Variants in TOR1A observed in about 807,000 individuals in gnomAD.
TOR1A encodes torsin-1A.
A neutral mutation model predicts 31.4 loss-of-function variants in TOR1A; 18 were observed. That is an observed-to-expected ratio of 0.57 (90% CI 0.40 to 0.85). TOR1A has a LOEUF of 0.85. Ranked by LOEUF, TOR1A falls within the 40% of genes least tolerant of loss-of-function variation. The pLI, the probability that TOR1A is intolerant of heterozygous loss-of-function variation, is 0.00. For missense variants in TOR1A, 375 were observed against 416.4 expected, an observed-to-expected ratio of 0.90 and a Z score of 0.87; for synonymous variants, 168 against 165.9, an observed-to-expected ratio of 1.01 and a Z score of -0.10.
Position 129,821,432 on chromosome 9 carries a change from TGACA to T in TOR1A, c.444+1145_444+1148del, listed in dbSNP as rs145415366. 58 of 152,378 alleles carry T rather than the reference TGACA, an allele frequency of 3.8e-4. No individual in the cohort carries two copies. The East Asian group carries it at 5.8e-3, about 15-fold the overall frequency. The allele number at this position is 152,378 out of a possible 1,614,324, so 9.4% of individuals were successfully genotyped here. On this transcript the variant is annotated intron_variant, in intron 2 of 4. Transcript: ENST00000351698. ...ATGCACCAGGTACATGTTATGCACT[TGACA>T]GACAGAGCTCCCTGGATTGTTACAA...
intron 2 of TOR1A, 145 bp from the exon 3 acceptor site, chr9:129,819,065 TC>T: frequency 1.1e-6 from 1 of 913,648 alleles, no homozygotes; most frequent in South Asian, 1.4e-5. Flanking sequence ...TCTTCTTTGT[TC>T]CTACCAACCC....
Position 129,818,688 on chromosome 9 carries a change from T to A in TOR1A, c.621-41A>T, listed in dbSNP as rs149514221. ...AGTGGGTAAGGACAGGGTTTTCTCC[T>A]GGAGCTCAGAGGCTTGGGCTCGGGG... On this transcript the variant is annotated intron_variant, in intron 3 of 4. Coordinates refer to ENST00000351698, the MANE Select transcript of TOR1A (RefSeq NM_000113.3). The A allele has an allele frequency of 7.0e-4, 1,134 of 1,614,158 alleles. No homozygotes were observed. Among genetic ancestry groups the A allele is most frequent in the Non-Finnish European group, 9.0e-4 (1,058 of 1,180,044 alleles).
intron 2 of TOR1A, among the ~76,000 whole-genome samples, chr9:129,820,144 G>GGC (rs2031149937): frequency 7.6e-6 from 1 of 132,320 alleles, no homozygotes; most frequent in Admixed American, 7.5e-5. Flanking sequence ...TTTTTTTTTT[G>GGC]ACAGTCTCGC....
Position 129,812,949 on chromosome 9 carries a change from T to C in TOR1A, c.*1023A>G, listed in dbSNP as rs2030925407. Reference sequence around the variant, plus strand: ...CAAAAACGTACTCACCAATGGCACATGCAAAATTTTATTGTAAAACGGTAG... The same window carrying C: ...CAAAAACGTACTCACCAATGGCACACGCAAAATTTTATTGTAAAACGGTAG... On this transcript the variant is annotated 3_prime_UTR_variant, in exon 5 of 5. Coordinates refer to ENST00000351698, the MANE Select transcript of TOR1A (RefSeq NM_000113.3). 1 of 152,210 alleles carries C rather than the reference T, an allele frequency of 6.6e-6. No individual in the cohort carries two copies. The highest frequency in any genetic ancestry group is 2.4e-5 in the African/African-American group (1 of 41,460). 9.4% of individuals were successfully genotyped at this position (152,210 alleles called of 1,614,324 possible).
rs151084518 is a variant in TOR1A, at chr9:129,813,779, C to T, written c.*193G>A. ...GCGTGTTCGGGAGGCTTCACGTCCTCGCCCGTGGTCCCTGGGTGGCCTGCA... is the reference window on the plus strand; with the variant it reads ...GCGTGTTCGGGAGGCTTCACGTCCTTGCCCGTGGTCCCTGGGTGGCCTGCA... On this transcript the variant is annotated 3_prime_UTR_variant, in exon 5 of 5. Transcript: ENST00000351698. 6,123 of 777,894 alleles carry T rather than the reference C, an allele frequency of 7.9e-3. 38 individuals are homozygous for T. The highest frequency in any genetic ancestry group is 0.011 in the Non-Finnish European group (5,332 of 474,116). 48.2% of individuals were successfully genotyped at this position (777,894 alleles called of 1,614,324 possible). A position where few individuals can be genotyped will look rare whatever the true frequency, so the allele number is the denominator to read the frequency against.
In TOR1A at chr9:129,824,097, C is replaced by A; in HGVS notation, c.-12G>T. 6.4e-7 allele frequency: 1 copy of A among 1,561,110 alleles called. No homozygotes were observed. Among genetic ancestry groups the A allele is most frequent in the Non-Finnish European group, 8.6e-7 (1 of 1,158,332 alleles). The stretch of plus-strand genomic sequence containing the variant: ...CGGCCCAGCTTCATGCCCGGACCCG[C>A]GCCACCCTGCTTGTTCTCGCGCCGA... On this transcript the variant is annotated 5_prime_UTR_variant, in exon 1 of 5. Transcript: ENST00000351698.
intron 2 of TOR1A, among the ~76,000 whole-genome samples, chr9:129,820,291 T>A (rs1269974040): frequency 6.6e-6 from 1 of 151,772 alleles, no homozygotes; most frequent in South Asian, 2.1e-4. Context: ...CCAGCTAATT[T>A]TTGTATTTTT....
chr9:129,822,972 T>A, intron 1 of TOR1A, 126 bp from the exon 2 acceptor site: 2 of 1,348,640 alleles, frequency 1.5e-6, no homozygotes, highest in Non-Finnish European at 2.1e-6. Flanking sequence ...AAACCTCAAG[T>A]ACTGCGGTCT....
At chr9:129,822,926 A>G in intron 1 of TOR1A, 80 bp from the exon 2 acceptor site, 9 of 1,605,258 alleles carry the variant, frequency 5.6e-6, no homozygotes, top group Non-Finnish European at 7.7e-6. Flanking sequence ...TAAGAAAGCC[A>G]GCAAAGCCGT....
Position 129,813,658 on chromosome 9 carries a change from C to G in TOR1A, c.*314G>C, listed in dbSNP as rs1027137739. Reference sequence around the variant, plus strand: ...ACATTTTCAATAAAACTTATTCATCCTTCCTTGAAACAGAAACACTTGGAA... The same window carrying G: ...ACATTTTCAATAAAACTTATTCATCGTTCCTTGAAACAGAAACACTTGGAA... On this transcript the variant is annotated 3_prime_UTR_variant, in exon 5 of 5. Coordinates refer to ENST00000351698, the MANE Select transcript of TOR1A (RefSeq NM_000113.3). 3 of 450,618 alleles carry G rather than the reference C, an allele frequency of 6.7e-6. No homozygotes were observed. Among genetic ancestry groups the G allele is most frequent in the African/African-American group, 5.9e-5 (3 of 50,810 alleles). 27.9% of individuals were successfully genotyped at this position (450,618 alleles called of 1,614,324 possible).
At chr9:129,823,387 G>C in intron 1 of TOR1A, 1 of 272,618 alleles carries the variant, frequency 3.7e-6, no homozygotes, top group Non-Finnish European at 7.2e-6. Flanking sequence ...CATCCTGCAG[G>C]CCGGCCGCTT....
intron 4 of TOR1A, chr9:129,818,256 T>A: frequency 2.0e-6 from 1 of 498,816 alleles, no homozygotes; most frequent in Non-Finnish European, 3.6e-6. Flanking sequence ...TGAGGCAAGG[T>A]TACGCCACTG....
chr9:129,817,838 CAAAA>C (rs760010551), intron 4 of TOR1A, among the ~76,000 whole-genome samples: 3 of 45,736 alleles, frequency 6.6e-5, no homozygotes, highest in East Asian at 7.5e-4. Context: ...CAGTCTCTAC[CAAAA>C]AAAAAAAAAA....
intron 4 of TOR1A, 140 bp downstream of exon 4, chr9:129,818,380 C>A: frequency 7.6e-7 from 1 of 1,317,774 alleles, no homozygotes; most frequent in Middle Eastern, 2.2e-4. Flanking sequence ...AGATTCCCCT[C>A]ATGACTCGGA....
chr9:129,818,218 G>A (rs760133573), intron 4 of TOR1A: 19 of 416,082 alleles, frequency 4.6e-5, no homozygotes, highest in Non-Finnish European at 7.2e-5. Flanking sequence ...CACAAGAATC[G>A]CTTGAGCCCG....
rs1056307854 is a variant in TOR1A at position 129,813,535 on chromosome 9, AATG to A, written c.*434_*436del. ...AAAGATACATCACAGTCTATGTAAT[AATG>A]ATGAGAACTTAAAAAAAAACACACA... On this transcript the variant is annotated 3_prime_UTR_variant, in exon 5 of 5. Transcript: ENST00000351698. 2.7e-5 allele frequency: 8 copies of A among 301,638 alleles called. No homozygotes were observed. Among genetic ancestry groups the A allele is most frequent in the South Asian group, 1.5e-4 (5 of 34,242 alleles). The allele number at this position is 301,638 out of a possible 1,614,324, so 18.7% of individuals were successfully genotyped here. A position where few individuals can be genotyped will look rare whatever the true frequency, so the allele number is the denominator to read the frequency against.
chr9:129,818,319 G>A, intron 4 of TOR1A: 1 of 752,366 alleles, frequency 1.3e-6, no homozygotes, highest in Non-Finnish European at 2.2e-6. Flanking sequence ...AAATAAAACA[G>A]CACTTGTCAA....
chr9:129,817,886 G>A (rs946772876), intron 4 of TOR1A, among the ~76,000 whole-genome samples: 3 of 148,136 alleles, frequency 2.0e-5, no homozygotes, highest in African/African-American at 7.5e-5. Context: ...GCATGGTGGC[G>A]CAAGCCTGTG....
chr9:129,814,508 C>T (rs1475553334), intron 4 of TOR1A, among the ~76,000 whole-genome samples: 1 of 151,748 alleles, frequency 6.6e-6, no homozygotes, highest in East Asian at 1.9e-4. Flanking sequence ...ATCCATCCCA[C>T]ACATACCTAC....
Sources: gnomAD v4.1 joint callset for allele counts (sites outside exome capture counted in the v4.1 genomes callset) on GRCh38, gnomAD v4.1.1 for gene constraint, MANE v1.5 for transcripts, NCBI Gene and HGNC (gene_info 2026-07-23, HGNC 2026-07-21) for gene names.